Variants in TASOR2 observed in about 807,000 individuals in gnomAD.
TASOR2 encodes the protein protein TASOR 2.
Under a neutral mutation model 199.5 loss-of-function variants are expected in TASOR2, and 84 were observed. That is an observed-to-expected ratio of 0.42 (90% confidence interval 0.35 to 0.50). The LOEUF (loss-of-function observed/expected upper bound fraction) is 0.50. Among genes scored for constraint, TASOR2 ranks in the 20% least tolerant of loss-of-function variants. The pLI is 0.02. For synonymous variants in TASOR2, 1,103 were observed against 1,046.6 expected (o/e 1.05, Z -1.04); for missense variants, 2,796 against 2,835.9 (o/e 0.99, Z 0.32).
In TASOR2 at chr10:5,730,483, C is replaced by T; in HGVS notation, c.488-4C>T. Reference sequence around the variant, plus strand: ...GATGTTTAATACGTGTGTATATATTCTAGGGGTGAAAGATTTGAAAGTTGA... The same window carrying T: ...GATGTTTAATACGTGTGTATATATTTTAGGGGTGAAAGATTTGAAAGTTGA... On this transcript the variant is annotated splice_polypyrimidine_tract_variant and splice_region_variant and intron_variant, in intron 10 of 20. Coordinates refer to ENST00000328090, the Ensembl canonical transcript of TASOR2. The surrounding 1 kb of genome is among the most constrained non-coding windows in gnomAD (Gnocchi z 4.1). The T allele has an allele frequency of 1.3e-6, 2 of 1,577,066 alleles. No individual in the cohort carries two copies. The highest frequency in any genetic ancestry group is 1.7e-6 in the Non-Finnish European group (2 of 1,162,738).
intron 12 of TASOR2, 101 bp downstream of exon 13, chr10:5,735,647 C>A: frequency 7.2e-7 from 1 of 1,386,278 alleles, no homozygotes; most frequent in African/African-American, 1.5e-5. Context: ...TGCAATGTCC[C>A]AATAATTTTT....
At chr10:5,756,266 G>A (rs1160248531) in intron 15 of TASOR2, among the ~76,000 whole-genome samples, 1 of 152,154 alleles carries the variant, frequency 6.6e-6, no homozygotes, top group Non-Finnish European at 1.5e-5. Context: ...TAAAGCTCTA[G>A]AAATGCTTTA....
Position 5,699,200 on chromosome 10 carries a change from C to T in TASOR2, c.-287-13623C>T, listed in dbSNP as rs1288662949. Among the ~76,000 whole-genome samples, 1 of 151,986 alleles carries T rather than the reference C, an allele frequency of 6.6e-6. No individual in the cohort carries two copies. ...AACATGGATGAACTTCAAAAACAGG[C>T]TAAGTGAAAGAAGCCAATCATGAAG... On this transcript the variant is annotated intron_variant, in intron 1 of 20. Transcript: ENST00000328090. The surrounding 1 kb of genome is among the most constrained non-coding windows in gnomAD (Gnocchi z 4.1).
At position 5,751,675 on chromosome 10, in the gene TASOR2, A is replaced by G. The variant is rs976116085; in HGVS notation, c.6606+1648A>G. On this transcript the variant is annotated intron_variant, in intron 15 of 20. Coordinates refer to ENST00000328090, the Ensembl canonical transcript of TASOR2. This position sits in a 1 kb window ranked among gnomAD's most constrained non-coding sequence, Gnocchi z 5.3. The stretch of plus-strand genomic sequence containing the variant: ...AGTCTTGAAGTCAAGCATTTCTCCA[A>G]GGAGCTGTGACTCTTTAGTGAAGAA... Among the ~76,000 whole-genome samples, 3 of 152,166 alleles carry G rather than the reference A, an allele frequency of 2.0e-5. No homozygotes were observed. Among genetic ancestry groups the G allele is most frequent in the African/African-American group, 7.2e-5 (3 of 41,420 alleles).
At chr10:5,746,905 C>G (rs1215053961) in exon 15 of TASOR2, 1 of 1,614,224 alleles carries the variant, frequency 6.2e-7, no homozygotes, top group East Asian at 2.2e-5. Context: ...CATGGAGGCA[C>G]TATCATTAGC....
chr10:5,756,741 C>T lies in TASOR2; in HGVS notation c.6732+3C>T, dbSNP rs748410385. On this transcript the variant is annotated splice_donor_region_variant and intron_variant, in intron 16 of 20. Coordinates refer to ENST00000328090, the Ensembl canonical transcript of TASOR2. ...ATATATCATCACATTTGCATCAGGT[C>T]GGTTGGAAATACCTTACAAAGAAAC... is the stretch of plus-strand genomic sequence containing the variant. The T allele has an allele frequency of 9.3e-6, 15 of 1,610,708 alleles. No homozygotes were observed. The highest frequency in any genetic ancestry group is 6.7e-5 in the Admixed American group (4 of 59,676).
At chr10:5,705,585 G>A (rs1397037853) in intron 1 of TASOR2, among the ~76,000 whole-genome samples, 1 of 152,104 alleles carries the variant, frequency 6.6e-6, no homozygotes, top group Non-Finnish European at 1.5e-5. Context: ...TTTTTCAGTT[G>A]GCTTTATATT....
At chr10:5,684,843 C>T in exon 1 of TASOR2, 1 of 393,124 alleles carries the variant, frequency 2.5e-6, no homozygotes, top group Middle Eastern at 6.4e-4. Flanking sequence ...GTTTTGCTTC[C>T]GGTTGCTAGC....
chr10:5,712,806 G>C lies in TASOR2; in HGVS notation c.-287-17G>C, dbSNP rs1451663787. On this transcript the variant is annotated splice_polypyrimidine_tract_variant and intron_variant, in intron 1 of 20. Transcript: ENST00000328090. ...TATGTTTATAGCGTTTGGTTATTCT[G>C]TTCTCTCTTTATACAGTACAAAACT... 2 of 1,162,026 alleles carry C rather than the reference G, an allele frequency of 1.7e-6. No individual in the cohort carries two copies. Among genetic ancestry groups the C allele is most frequent in the East Asian group, 3.2e-5 (1 of 31,318 alleles). The allele number at this position is 1,162,026 out of a possible 1,614,324, so 72.0% of individuals were successfully genotyped here.
At chr10:5,749,527 A>C in exon 15 of TASOR2, 1 of 1,614,108 alleles carries the variant, frequency 6.2e-7, no homozygotes. Context: ...ACCTAGGAGC[A>C]GAAGCCCCCT....
chr10:5,709,615 C>G, intron 1 of TASOR2: 1 of 1,231,082 alleles, frequency 8.1e-7, no homozygotes, highest in Non-Finnish European at 1.0e-6. Context: ...ACCCTCCCAG[C>G]TACATTCTCT....
rs1839007676 is a variant in TASOR2 at position 5,756,743 on chromosome 10, G to A, written c.6732+5G>A. On this transcript the variant is annotated splice_donor_5th_base_variant and intron_variant, in intron 16 of 20. Coordinates refer to ENST00000328090, the Ensembl canonical transcript of TASOR2. Reference sequence around the variant, plus strand: ...ATATCATCACATTTGCATCAGGTCGGTTGGAAATACCTTACAAAGAAACGT... The same window carrying A: ...ATATCATCACATTTGCATCAGGTCGATTGGAAATACCTTACAAAGAAACGT... The A allele has an allele frequency of 6.2e-7, 1 of 1,610,852 alleles. No homozygotes were observed. The highest frequency in any genetic ancestry group is 8.5e-7 in the Non-Finnish European group (1 of 1,178,834).
rs868375158 is a variant in TASOR2 at position 5,719,031 on chromosome 10, T to C, written c.-100+1281T>C. On this transcript the variant is annotated intron_variant, in intron 3 of 20. Transcript: ENST00000328090. The surrounding 1 kb of genome is among the most constrained non-coding windows in gnomAD (Gnocchi z 4.1). ...GCCGCACCCAGAACCATAAAATGTT[T>C]GATGAGGAGATGGTAGAGATGATTG... is the stretch of plus-strand genomic sequence containing the variant. 1.3e-5 allele frequency among the ~76,000 whole-genome samples: 2 copies of C among 152,220 alleles called. No individual in the cohort carries two copies. The highest frequency in any genetic ancestry group is 2.9e-5 in the Non-Finnish European group (2 of 68,036).
chr10:5,693,021 G>GCGCTGAGTGCGAAGGAGACC (rs1242037067), intron 1 of TASOR2: 1 of 152,366 alleles, frequency 6.6e-6, no homozygotes, highest in Non-Finnish European at 1.5e-5. Flanking sequence ...TGTTAATACA[G>GCGCTGAGTGCGAAGGAGACC]CGCTGAGTGC....
exon 21 of TASOR2, chr10:5,763,207 C>T: frequency 1.7e-6 from 1 of 572,132 alleles, no homozygotes; most frequent in Non-Finnish European, 3.0e-6. Context: ...GTCACAGTGG[C>T]ATTGCAGTTG....
In TASOR2 at chr10:5,728,292, G is replaced by GT. The variant is rs776119417; in HGVS notation, c.487+1170dup. Among the ~76,000 whole-genome samples, 139 of 150,780 alleles carry GT rather than the reference G, an allele frequency of 9.2e-4. 1 individual carries two copies. Among genetic ancestry groups the GT allele is most frequent in the South Asian group, 1.9e-3 (9 of 4,742 alleles). On this transcript the variant is annotated intron_variant, in intron 10 of 20. Coordinates refer to ENST00000328090, the Ensembl canonical transcript of TASOR2. Reference sequence around the variant, plus strand: ...GTGTTTAAACATAAAACTCTATATAGTATTTATAAAGCTATAACCAATATA... The same window carrying GT: ...GTGTTTAAACATAAAACTCTATATAGTTATTTATAAAGCTATAACCAATATA...
At chr10:5,714,173 C>G (rs1832298659) in intron 2 of TASOR2, 2 of 1,231,738 alleles carry the variant, frequency 1.6e-6, no homozygotes, top group East Asian at 6.3e-5. Context: ...GTGTTGGCAG[C>G]AGTGCTGTTA....
exon 21 of TASOR2, chr10:5,763,327 T>A: frequency 6.6e-6 from 2 of 305,104 alleles, no homozygotes; most frequent in Non-Finnish European, 1.2e-5. Flanking sequence ...CATGTTTACT[T>A]AGTTGGAGCA....
intron 1 of TASOR2, among the ~76,000 whole-genome samples, chr10:5,708,580 TTCTC>T (rs1376474800): frequency 6.9e-6 from 1 of 144,752 alleles, no homozygotes; most frequent in African/African-American, 2.6e-5. Flanking sequence ...TTCTCTCCTT[TTCTC>T]TCTCTTTCTC....
Sources: gnomAD v4.1 joint callset for allele counts (sites outside exome capture counted in the v4.1 genomes callset) on GRCh38, gnomAD v4.1.1 for gene constraint, Gnocchi (gnomAD v3.1) non-coding constraint, MANE v1.5 for transcripts, NCBI Gene and HGNC (gene_info 2026-07-23, HGNC 2026-07-21) for gene names.